MRPS27: variants seen among roughly 807,000 people sequenced by gnomAD.
MRPS27 encodes the protein small ribosomal subunit protein mS27.
MRPS27 carries 43 observed loss-of-function variants against 48.9 expected under a neutral mutation model. The ratio of observed to expected loss-of-function variants is 0.88; its 90% CI spans 0.69 to 1.13. MRPS27 has a LOEUF of 1.13. Ranked by LOEUF, MRPS27 falls within the 50% of genes most tolerant of loss-of-function variation. MRPS27 has a pLI of 0.00. For missense variants in MRPS27, 467 were observed against 476.3 expected (o/e 0.98, Z 0.18); for synonymous variants, 188 against 171.9 (o/e 1.09, Z -0.73).
chr5:72,264,969 G>A lies in MRPS27; in HGVS notation c.282-26841C>T, dbSNP rs540604663. 9.8e-5 allele frequency among the ~76,000 whole-genome samples: 15 copies of A among 152,334 alleles called. No individual in the cohort carries two copies. In the South Asian group the frequency reaches 1.4e-3, roughly 15 times the overall value. ...GAGCGGTATGTGGAGCAACTAGACCGTGAGGGGAGCTCAGATATGAACTTC... is the reference window on the plus strand; with the variant it reads ...GAGCGGTATGTGGAGCAACTAGACCATGAGGGGAGCTCAGATATGAACTTC... On this transcript the variant is annotated intron_variant, in intron 4 of 10. Coordinates refer to ENST00000261413, the MANE Select transcript of MRPS27 (RefSeq NM_015084.3).
chr5:72,265,429 T>C (rs1459205951), intron 4 of MRPS27, among the ~76,000 whole-genome samples: 1 of 152,190 alleles, frequency 6.6e-6, no homozygotes, highest in Admixed American at 6.5e-5. Flanking sequence ...GGAAATACAA[T>C]TAATTATTTG....
chr5:72,272,137 T>C (rs1032871215), intron 4 of MRPS27, among the ~76,000 whole-genome samples: 2 of 152,142 alleles, frequency 1.3e-5, no homozygotes, highest in Non-Finnish European at 2.9e-5. Context: ...AGATCAAGGG[T>C]TGGCAAACTA....
rs116396495 is a variant in MRPS27, at chr5:72,288,320, G to A, written c.281+7211C>T. On this transcript the variant is annotated intron_variant, in intron 4 of 10. Transcript: ENST00000261413. ...CCTCCTGGGTTCATGCCGTTCTCCC[G>A]CCTTAGCCTCCCATGTAGCTGGGTC... is the stretch of plus-strand genomic sequence containing the variant. Among the ~76,000 whole-genome samples the A allele has an allele frequency of 3.8e-3, 570 of 151,772 alleles. 1 individual carries two copies. The highest frequency in any genetic ancestry group is 0.013 in the African/African-American group (552 of 41,414).
At chr5:72,305,516 AAAAACAAACCAACAG>A (rs1232704317) in intron 2 of MRPS27, among the ~76,000 whole-genome samples, 4 of 152,252 alleles carry the variant, frequency 2.6e-5, no homozygotes, top group Non-Finnish European at 5.9e-5. Context: ...GAGGTTCTCC[AAAAACAAACCAACAG>A]AAAACAAACC....
In MRPS27 at chr5:72,239,650, C is replaced by T. The variant is rs527593450; in HGVS notation, c.282-1522G>A. On this transcript the variant is annotated intron_variant, in intron 4 of 10. Coordinates refer to ENST00000261413, the MANE Select transcript of MRPS27 (RefSeq NM_015084.3). ...GAAACAAAATATACCTTTAGTATTCCATGTTTTCCCTCATATTTGTTTTTA... is the reference window on the plus strand; with the variant it reads ...GAAACAAAATATACCTTTAGTATTCTATGTTTTCCCTCATATTTGTTTTTA... Among the ~76,000 whole-genome samples the T allele has an allele frequency of 2.4e-3, 361 of 152,080 alleles. 5 individuals carry two copies. Among genetic ancestry groups the T allele is most frequent in the African/African-American group, 8.4e-3 (348 of 41,496 alleles).
chr5:72,254,494 A>G (rs1748744907), intron 4 of MRPS27, among the ~76,000 whole-genome samples: 1 of 152,186 alleles, frequency 6.6e-6, no homozygotes. Context: ...ACTAAACACT[A>G]AACTAAATAC....
intron 4 of MRPS27, among the ~76,000 whole-genome samples, chr5:72,285,541 TACTCAG>T (rs1445194772): frequency 6.6e-6 from 1 of 152,180 alleles, no homozygotes; most frequent in African/African-American, 2.4e-5. Flanking sequence ...CTTGCTCTAG[TACTCAG>T]GCTGGAGTGC....
intron 2 of MRPS27, among the ~76,000 whole-genome samples, chr5:72,301,780 T>C (rs1219351202): frequency 6.6e-6 from 1 of 152,268 alleles, no homozygotes; most frequent in African/African-American, 2.4e-5. Context: ...ATATATCATG[T>C]GGCCAATCAC....
intron 4 of MRPS27, among the ~76,000 whole-genome samples, chr5:72,245,193 C>G (rs1457269890): frequency 6.6e-6 from 1 of 152,198 alleles, no homozygotes; most frequent in East Asian, 1.9e-4. Flanking sequence ...CACACACTGG[C>G]TCACAGGTCA....
intron 1 of MRPS27, among the ~76,000 whole-genome samples, chr5:72,315,247 A>T (rs1347063574): frequency 1.3e-5 from 2 of 152,208 alleles, no homozygotes; most frequent in East Asian, 3.8e-4. Flanking sequence ...CAACTCAAAA[A>T]TAAAAAAAAA....
In MRPS27 at chr5:72,226,153, C is replaced by T. The variant is rs1747889479; in HGVS notation, c.741G>A (p.Met247Ile). The part of the protein sequence containing the change: ...QQGLRAVYHN[M>I]PLIWKPGYLD... ...GGTAGCCTGGTTTCCATATCAGAGG[C>T]ATGTTGTGGTACACAGCCCGTAGCC... The change falls in exon 9 of 11, where the codon ATG (methionine) becomes ATA (isoleucine). Residue 247 changes from methionine to isoleucine, a missense_variant. Coordinates refer to ENST00000261413, the MANE Select transcript of MRPS27 (RefSeq NM_015084.3). 6.2e-7 allele frequency: 1 copy of T among 1,613,804 alleles called. No individual in the cohort carries two copies. The highest frequency in any genetic ancestry group is 1.1e-5 in the South Asian group (1 of 91,068).
At chr5:72,288,574 T>C (rs923911324) in intron 4 of MRPS27, among the ~76,000 whole-genome samples, 1 of 152,232 alleles carries the variant, frequency 6.6e-6, no homozygotes. Context: ...GCATGCACTA[T>C]GACCAACGAT....
chr5:72,243,736 A>G (rs1748428079), intron 4 of MRPS27, among the ~76,000 whole-genome samples: 1 of 152,222 alleles, frequency 6.6e-6, no homozygotes, highest in Non-Finnish European at 1.5e-5. Flanking sequence ...TTCACTATCT[A>G]CCTTCACAAT....
At position 72,320,177 on chromosome 5, in the gene MRPS27, T is replaced by C. The variant is rs553801640; in HGVS notation, c.45A>G (p.Gln15=). ...IVRRGMLLAR[Q]VVLPQLSPAG... is the part of the protein sequence containing the mutation. Reference sequence around the variant, plus strand: ...CAGGAGAGAGCTGAGGAAGAACCACTTGCCGCGCCAGGAGCATCCCGCGCC... The same window carrying C: ...CAGGAGAGAGCTGAGGAAGAACCACCTGCCGCGCCAGGAGCATCCCGCGCC... The change falls in exon 1 of 11, where the codon CAA becomes CAG. Residue 15 remains glutamine, a synonymous_variant. Transcript: ENST00000261413. The C allele has an allele frequency of 3.7e-6, 6 of 1,613,956 alleles. No individual in the cohort carries two copies. The highest frequency in any genetic ancestry group is 1.3e-5 in the African/African-American group (1 of 75,046).
At chr5:72,307,648 T>C (rs1225160394) in intron 2 of MRPS27, among the ~76,000 whole-genome samples, 1 of 150,948 alleles carries the variant, frequency 6.6e-6, no homozygotes, top group African/African-American at 2.4e-5. Context: ...TACCAAGGTG[T>C]CTACACCTTC....
At chr5:72,258,083 CAAAA>C (rs1030737219) in intron 4 of MRPS27, among the ~76,000 whole-genome samples, 1 of 61,366 alleles carries the variant, frequency 1.6e-5, no homozygotes, top group Non-Finnish European at 3.4e-5. Flanking sequence ...GACTCTGTCT[CAAAA>C]AAAAAAAAAA....
intron 4 of MRPS27, among the ~76,000 whole-genome samples, chr5:72,246,585 G>C (rs751967197): frequency 1.3e-5 from 2 of 152,134 alleles, no homozygotes; most frequent in Non-Finnish European, 2.9e-5. Flanking sequence ...AAGCAACCTA[G>C]GCCAAGTAAA....
At chr5:72,231,941 A>G (rs1360204339) in intron 7 of MRPS27, among the ~76,000 whole-genome samples, 1 of 152,190 alleles carries the variant, frequency 6.6e-6, no homozygotes, top group Non-Finnish European at 1.5e-5. Flanking sequence ...TACTTAAAAT[A>G]TCAGTTATTG....
At position 72,228,492 on chromosome 5, in the gene MRPS27, C is replaced by CAA. The variant is rs1489550897; in HGVS notation, c.592-125_592-124insTT. The CAA allele has an allele frequency of 6.4e-5, 39 of 608,494 alleles. No homozygotes were observed. In the Admixed American group the frequency reaches 1.2e-3, roughly 18 times the overall value. 37.7% of individuals were successfully genotyped at this position (608,494 alleles called of 1,614,324 possible). ...ATTAAGTAAACAAAGAAGAACAAAG[C>CAA]TATATATACATTATAATCCTAATTT... On this transcript the variant is annotated intron_variant, in intron 7 of 10. Coordinates refer to ENST00000261413, the MANE Select transcript of MRPS27 (RefSeq NM_015084.3).
Sources: gnomAD v4.1 joint callset for allele counts (sites outside exome capture counted in the v4.1 genomes callset) on GRCh38, gnomAD v4.1.1 for gene constraint, MANE v1.5 for transcripts, NCBI Gene and HGNC (gene_info 2026-07-23, HGNC 2026-07-21) for gene names.